Variants in TECRL observed in about 807,000 individuals in gnomAD.
The protein encoded by TECRL is trans-2,3-enoyl-CoA reductase-like.
Under a neutral mutation model 52.8 loss-of-function variants are expected in TECRL, and 63 were observed. That is an observed-to-expected ratio of 1.19 (90% CI 0.97 to 1.47). The LOEUF is 1.47. TECRL is among the 40% of genes most tolerant of loss of function. The pLI, the probability that TECRL is intolerant of heterozygous loss-of-function variation, is 0.00. For synonymous variants in TECRL, 164 were observed against 141.9 expected (o/e 1.16, Z -1.10); for missense variants, 482 against 429.6 (o/e 1.12, Z -1.08).
At chr4:64,367,042 T>C (rs943713969) in intron 2 of TECRL, among the ~76,000 whole-genome samples, 1 of 152,042 alleles carries the variant, frequency 6.6e-6, no homozygotes, top group Non-Finnish European at 1.5e-5. Context: ...TGCCATGGAG[T>C]ACTATGCAGC....
intron 9 of TECRL, among the ~76,000 whole-genome samples, chr4:64,289,162 C>T (rs1299093399): frequency 6.6e-6 from 1 of 152,126 alleles, no homozygotes; most frequent in Non-Finnish European, 1.5e-5. Flanking sequence ...GTGTATGAGA[C>T]TAGCTATAAT....
intron 1 of TECRL, among the ~76,000 whole-genome samples, chr4:64,382,252 A>T (rs13124627): frequency 7.1e-6 from 1 of 141,186 alleles, no homozygotes; most frequent in East Asian, 2.0e-4. Context: ...TGTATATATA[A>T]TATATATTAT....
chr4:64,337,701 C>G (rs1259746595), intron 2 of TECRL, among the ~76,000 whole-genome samples: 1 of 152,034 alleles, frequency 6.6e-6, no homozygotes, highest in Non-Finnish European at 1.5e-5. Context: ...AATAAAATAC[C>G]TAGGAATCCA....
chr4:64,296,560 C>T (rs537318565), intron 8 of TECRL, among the ~76,000 whole-genome samples: 1 of 151,846 alleles, frequency 6.6e-6, no homozygotes, highest in Non-Finnish European at 1.5e-5. Context: ...TTTTTGAAGA[C>T]ATTAAGAAAG....
chr4:64,402,604 G>A (rs1167811824), intron 1 of TECRL, among the ~76,000 whole-genome samples: 1 of 151,936 alleles, frequency 6.6e-6, no homozygotes, highest in Non-Finnish European at 1.5e-5. Context: ...GATTGTGACG[G>A]AACACACTTC....
Position 64,409,388 on chromosome 4 carries a change from T to C in TECRL, c.-37A>G, listed in dbSNP as rs768897078. 1.1e-5 allele frequency: 17 copies of C among 1,598,606 alleles called. No homozygotes were observed. The highest frequency in any genetic ancestry group is 1.4e-5 in the Non-Finnish European group (16 of 1,171,208). Reference sequence around the variant, plus strand: ...AGAGGAGGGTCTGTCATGTCAAAAGTAGAAAATTGCAAGTGTGTTCCTTTT... The same window carrying C: ...AGAGGAGGGTCTGTCATGTCAAAAGCAGAAAATTGCAAGTGTGTTCCTTTT... On this transcript the variant is annotated 5_prime_UTR_variant, in exon 1 of 12. Transcript: ENST00000381210.
At chr4:64,305,566 G>T (rs1436701226) in intron 6 of TECRL, among the ~76,000 whole-genome samples, 1 of 152,120 alleles carries the variant, frequency 6.6e-6, no homozygotes, top group Admixed American at 6.6e-5. Context: ...ATATGGTTAA[G>T]AATTTCTTGT....
chr4:64,375,601 C>T (rs373114408), intron 1 of TECRL, among the ~76,000 whole-genome samples: 2 of 151,754 alleles, frequency 1.3e-5, no homozygotes, highest in South Asian at 2.1e-4. Flanking sequence ...CAATAGTACC[C>T]GAGGATGTGA....
At chr4:64,338,829 T>C (rs547380900) in intron 2 of TECRL, among the ~76,000 whole-genome samples, 1 of 152,292 alleles carries the variant, frequency 6.6e-6, no homozygotes, top group East Asian at 1.9e-4. Context: ...TTTTACACTG[T>C]TGGTAGGACT....
intron 2 of TECRL, among the ~76,000 whole-genome samples, chr4:64,357,060 A>T (rs1720826492): frequency 6.6e-6 from 1 of 152,134 alleles, no homozygotes. Flanking sequence ...ATAAACTAGC[A>T]CCCATAACTG....
At chr4:64,346,232 G>T (rs1347984181) in intron 2 of TECRL, among the ~76,000 whole-genome samples, 1 of 152,180 alleles carries the variant, frequency 6.6e-6, no homozygotes, top group Non-Finnish European at 1.5e-5. Context: ...GGTGTACATT[G>T]CAAGCTGTCA....
rs199628520 is a variant in TECRL, at chr4:64,322,715, G to T, written c.409C>A (p.Leu137Ile). The T allele has an allele frequency of 1.1e-5, 17 of 1,610,470 alleles. No homozygotes were observed. The change falls in exon 4 of 12, where the codon CTA (leucine) becomes ATA (isoleucine). Residue 137 changes from leucine (L) to isoleucine (I), a missense_variant. Leu to Ile is a conservative substitution (Grantham distance 5, BLOSUM62 2). Transcript: ENST00000381210. Reference protein sequence around the residue: ...SSIVTLYATDLGQQVSWTTVF... With the variant: ...SSIVTLYATDIGQQVSWTTVF... ...GTGGTCCAACTGACTTGTTGACCTA[G>T]GTCTGTAGCATACAGTGTGACAATG...
rs115535645 is a variant in TECRL at position 64,285,138 on chromosome 4, A to C, written c.833-3579T>G. Reference sequence around the variant, plus strand: ...GTAGTTTGCACAATATGTACATTTGAAGCTTTCTTTCAACTGTCATACCCT... The same window carrying C: ...GTAGTTTGCACAATATGTACATTTGCAGCTTTCTTTCAACTGTCATACCCT... On this transcript the variant is annotated intron_variant, in intron 9 of 11. Coordinates refer to ENST00000381210, the MANE Select transcript of TECRL (RefSeq NM_001010874.5). Among the ~76,000 whole-genome samples, 857 of 152,216 alleles carry C rather than the reference A, an allele frequency of 5.6e-3. 10 individuals are homozygous for C. Among genetic ancestry groups the C allele is most frequent in the African/African-American group, 0.019 (784 of 41,556 alleles).
intron 6 of TECRL, among the ~76,000 whole-genome samples, chr4:64,308,087 G>A (rs979709764): frequency 2.0e-5 from 3 of 152,108 alleles, no homozygotes; most frequent in African/African-American, 7.2e-5. Context: ...CCACCTAATG[G>A]CAGTTAGGGT....
chr4:64,329,732 A>T (rs1253845359), intron 2 of TECRL, among the ~76,000 whole-genome samples: 3 of 151,896 alleles, frequency 2.0e-5, no homozygotes, highest in African/African-American at 7.2e-5. Context: ...GTTAAAAATT[A>T]TATTGCTTTG....
At chr4:64,346,916 C>T (rs185970561) in intron 2 of TECRL, among the ~76,000 whole-genome samples, 7 of 152,282 alleles carry the variant, frequency 4.6e-5, no homozygotes, top group African/African-American at 1.4e-4. Flanking sequence ...TTTATCGCTA[C>T]TGTTTTGCTT....
intron 1 of TECRL, among the ~76,000 whole-genome samples, chr4:64,400,504 A>C (rs1386062243): frequency 6.6e-6 from 1 of 152,070 alleles, no homozygotes; most frequent in Non-Finnish European, 1.5e-5. Flanking sequence ...TTTTGGAGGG[A>C]CCAAGGGCAG....
intron 8 of TECRL, among the ~76,000 whole-genome samples, chr4:64,297,504 C>A (rs996423354): frequency 6.6e-6 from 1 of 150,740 alleles, no homozygotes; most frequent in South Asian, 2.1e-4. Flanking sequence ...TATATAAGAT[C>A]GATCCATTAA....
At chr4:64,333,157 T>C (rs960758913) in intron 2 of TECRL, among the ~76,000 whole-genome samples, 2 of 151,814 alleles carry the variant, frequency 1.3e-5, no homozygotes. Context: ...GAAACAATAA[T>C]AGAAAAATAT....
Sources: gnomAD v4.1 joint callset for allele counts (sites outside exome capture counted in the v4.1 genomes callset) on GRCh38, gnomAD v4.1.1 for gene constraint, MANE v1.5 for transcripts, NCBI Gene and HGNC (gene_info 2026-07-23, HGNC 2026-07-21) for gene names.